The following C1orf21 variants were observed in gnomAD, a reference collection of about 807,000 sequenced individuals.
C1orf21 encodes the protein uncharacterized protein C1orf21.
In C1orf21, 3 loss-of-function variants were observed where a neutral mutation model predicts 18.7. The ratio of observed to expected loss-of-function variants is 0.16; its 90% confidence interval spans 0.07 to 0.42. The LOEUF is 0.42. Among genes scored for constraint, C1orf21 ranks in the 10% least tolerant of loss-of-function variants. The pLI is 0.99. For missense variants in C1orf21, 104 were observed against 143.6 expected (o/e 0.72, Z 1.41); for synonymous variants, 41 against 46.4 (o/e 0.88, Z 0.47).
At chr1:184,591,963 G>A (rs1219595253) in intron 4 of C1orf21, among the ~76,000 whole-genome samples, 1 of 152,168 alleles carries the variant, frequency 6.6e-6, no homozygotes, top group African/African-American at 2.4e-5. Context: ...AGCGATACAT[G>A]CCTACATGTG....
At chr1:184,579,494 CTTTT>C (rs60469440) in intron 3 of C1orf21, among the ~76,000 whole-genome samples, 7 of 98,116 alleles carry the variant, frequency 7.1e-5, no homozygotes, top group Non-Finnish European at 1.4e-4. Context: ...TCAAGATTTT[CTTTT>C]TTTTTTTTTT....
intron 3 of C1orf21, among the ~76,000 whole-genome samples, chr1:184,577,566 G>A (rs1659211364): frequency 6.6e-6 from 1 of 152,136 alleles, no homozygotes; most frequent in Non-Finnish European, 1.5e-5. Context: ...CAGGAAGGCT[G>A]GAGTCTGATT....
chr1:184,577,947 G>GTTTTTTTTTTTTTTTTTTTTT (rs201196718), intron 3 of C1orf21, among the ~76,000 whole-genome samples: 2 of 86,752 alleles, frequency 2.3e-5, no homozygotes, highest in African/African-American at 1.1e-4. Context: ...TTTTTGTTTT[G>GTTTTTTTTTTTTTTTTTTTTT]TTTTTGTTTT....
chr1:184,472,377 A>G (rs896178572), intron 1 of C1orf21, among the ~76,000 whole-genome samples: 2 of 151,990 alleles, frequency 1.3e-5, no homozygotes, highest in African/African-American at 2.4e-5. Context: ...TCCAAGCCTC[A>G]TGTTCTTTTT....
chr1:184,499,229 A>C (rs1657936927), intron 2 of C1orf21, among the ~76,000 whole-genome samples: 1 of 152,108 alleles, frequency 6.6e-6, no homozygotes, highest in African/African-American at 2.4e-5. Context: ...GCTTGGCCTT[A>C]ATGCTAAGAA....
intron 1 of C1orf21, among the ~76,000 whole-genome samples, chr1:184,474,537 C>G (rs1013597113): frequency 6.6e-6 from 1 of 152,132 alleles, no homozygotes; most frequent in African/African-American, 2.4e-5. Flanking sequence ...AGAAGAAATA[C>G]CACTAACTGC....
chr1:184,568,267 C>A lies in C1orf21; in HGVS notation c.190-22472C>A, dbSNP rs185662023. 6.6e-4 allele frequency: 194 copies of A among 294,222 alleles called. 1 individual carries two copies. Among genetic ancestry groups the A allele is most frequent in the African/African-American group, 4.2e-3 (189 of 45,028 alleles). 18.2% of individuals were successfully genotyped at this position (294,222 alleles called of 1,614,324 possible). Reference sequence around the variant, plus strand: ...CTTAATCATTTTTGAGAATACAGTTCAGTGGCATTAAGTACATTCACATTA... The same window carrying A: ...CTTAATCATTTTTGAGAATACAGTTAAGTGGCATTAAGTACATTCACATTA... On this transcript the variant is annotated intron_variant, in intron 3 of 5. Coordinates refer to ENST00000235307, the MANE Select transcript of C1orf21 (RefSeq NM_030806.4).
In C1orf21 at chr1:184,554,562, A is replaced by G. The variant is rs369762902; in HGVS notation, c.190-36177A>G. On this transcript the variant is annotated intron_variant, in intron 3 of 5. Transcript: ENST00000235307. ...AAATAAATGTTTGTATAGCCAAACAATAAAATTGACGTAGTTTAGTGCCTT... is the reference window on the plus strand; with the variant it reads ...AAATAAATGTTTGTATAGCCAAACAGTAAAATTGACGTAGTTTAGTGCCTT... Among the ~76,000 whole-genome samples the G allele has an allele frequency of 2.0e-5, 3 of 152,240 alleles. No individual in the cohort carries two copies. In the East Asian group the frequency reaches 5.8e-4, roughly 29 times the overall value.
At chr1:184,417,356 C>T (rs905867189) in intron 1 of C1orf21, among the ~76,000 whole-genome samples, 4 of 146,116 alleles carry the variant, frequency 2.7e-5, no homozygotes, top group Admixed American at 6.7e-5. Flanking sequence ...ATACACCCCT[C>T]CCCCAAAGAC....
chr1:184,600,935 T>G (rs1192746795), intron 5 of C1orf21, among the ~76,000 whole-genome samples: 2 of 152,268 alleles, frequency 1.3e-5, no homozygotes, highest in Non-Finnish European at 2.9e-5. Context: ...GTTTGCTTAA[T>G]GTAGTCTGCC....
chr1:184,573,184 G>A (rs763930697), intron 3 of C1orf21, among the ~76,000 whole-genome samples: 1 of 152,028 alleles, frequency 6.6e-6, no homozygotes, highest in Non-Finnish European at 1.5e-5. Flanking sequence ...AATACTCACT[G>A]ATGGCACTTG....
chr1:184,423,429 C>G (rs1196844348), intron 1 of C1orf21, among the ~76,000 whole-genome samples: 3 of 152,074 alleles, frequency 2.0e-5, no homozygotes, highest in Admixed American at 6.5e-5. Context: ...AGGAATGAAG[C>G]CTTCAAATAC....
intron 3 of C1orf21, among the ~76,000 whole-genome samples, chr1:184,533,201 T>A (rs898006525): frequency 6.6e-6 from 1 of 151,994 alleles, no homozygotes; most frequent in Admixed American, 6.6e-5. Context: ...GAGCCTGCAC[T>A]CCTGCAGCTT....
At chr1:184,425,437 T>A (rs1406859210) in intron 1 of C1orf21, among the ~76,000 whole-genome samples, 1 of 151,766 alleles carries the variant, frequency 6.6e-6, no homozygotes, top group Non-Finnish European at 1.5e-5. Flanking sequence ...AATTTTTAAG[T>A]TTTTTGTAGA....
chr1:184,417,696 G>C (rs1015633106), intron 1 of C1orf21, among the ~76,000 whole-genome samples: 4 of 152,164 alleles, frequency 2.6e-5, no homozygotes, highest in African/African-American at 9.7e-5. Flanking sequence ...TATTTCATCT[G>C]AATCAGGCAG....
intron 3 of C1orf21, among the ~76,000 whole-genome samples, chr1:184,528,871 G>A (rs963043101): frequency 1.3e-5 from 2 of 152,058 alleles, no homozygotes; most frequent in Admixed American, 1.3e-4. Flanking sequence ...ACTTCTGTAA[G>A]CATATTCCCA....
intron 1 of C1orf21, among the ~76,000 whole-genome samples, chr1:184,460,674 TTCTTCTTCTTC>T (rs1158159296): frequency 8.0e-6 from 1 of 124,672 alleles, no homozygotes; most frequent in African/African-American, 2.7e-5. Context: ...CTTCTTCTTC[TTCTTCTTCTTC>T]TTTCTTCTTT....
At chr1:184,500,209 G>T (rs1037681099) in intron 2 of C1orf21, among the ~76,000 whole-genome samples, 1 of 152,146 alleles carries the variant, frequency 6.6e-6, no homozygotes. Flanking sequence ...GCTGGATTTG[G>T]ATCTGGTTGT....
chr1:184,389,805 A>G (rs892792345), intron 1 of C1orf21, among the ~76,000 whole-genome samples: 1 of 152,164 alleles, frequency 6.6e-6, no homozygotes, highest in African/African-American at 2.4e-5. Flanking sequence ...GGAGACACCA[A>G]AGGCTGGGAG....
Sources: allele counts gnomAD v4.1 joint callset (sites outside exome capture counted in the v4.1 genomes callset), GRCh38; gene constraint gnomAD v4.1.1; transcripts MANE v1.5; gene names NCBI Gene and HGNC (gene_info 2026-07-23, HGNC 2026-07-21).